TUSC3: variants seen among roughly 807,000 people sequenced by gnomAD.
The protein encoded by TUSC3 is dolichyl-diphosphooligosaccharide--protein glycosyltransferase subunit TUSC3.
TUSC3 carries 45 observed loss-of-function variants against 44.8 expected under a neutral mutation model. That is an observed-to-expected ratio of 1.00 (90% CI 0.79 to 1.29). The LOEUF is 1.29. Among genes scored for constraint, TUSC3 ranks in the 50% most tolerant of loss-of-function variants. The pLI is 0.00. For synonymous variants in TUSC3, 212 were observed against 152.9 expected, an observed-to-expected ratio of 1.39 and a Z score of -2.85; for missense variants, 519 against 437.9, an observed-to-expected ratio of 1.19 and a Z score of -1.65.
At chr8:15,602,187 C>A (rs1323832164) in intron 1 of TUSC3, among the ~76,000 whole-genome samples, 1 of 151,634 alleles carries the variant, frequency 6.6e-6, no homozygotes, top group African/African-American at 2.4e-5. Context: ...GTCCAAAATG[C>A]TTCTCTTCCC....
At chr8:15,685,691 CAT>C (rs957339486) in intron 6 of TUSC3, among the ~76,000 whole-genome samples, 7 of 152,088 alleles carry the variant, frequency 4.6e-5, no homozygotes, top group Non-Finnish European at 1.0e-4. Flanking sequence ...TAGAATGGCG[CAT>C]AGTTTGTGGC....
intron 1 of TUSC3, among the ~76,000 whole-genome samples, chr8:15,586,984 G>T (rs980229711): frequency 6.6e-6 from 1 of 152,150 alleles, no homozygotes; most frequent in African/African-American, 2.4e-5. Context: ...AGAACTGCTG[G>T]TTGGGGGATT....
chr8:15,733,345 C>CTTT, intron 7 of TUSC3: 1 of 381,612 alleles, frequency 2.6e-6, no homozygotes, highest in South Asian at 2.0e-5. Flanking sequence ...ATTATAGCTT[C>CTTT]TTTTTGTTTT....
At chr8:15,804,364 T>G in the TUSC3 span, among the ~76,000 whole-genome samples, 3 of 152,232 alleles carry the variant, frequency 2.0e-5, no homozygotes, top group African/African-American at 7.2e-5. Flanking sequence ...TTGTTTTATT[T>G]ACAATTGCTT....
chr8:15,421,683 A>G (rs899897563), intron 1 of TUSC3, among the ~76,000 whole-genome samples: 3 of 152,162 alleles, frequency 2.0e-5, no homozygotes, highest in Non-Finnish European at 4.4e-5. Flanking sequence ...AATATATAAC[A>G]GATACTGAAT....
intron 1 of TUSC3, among the ~76,000 whole-genome samples, chr8:15,581,444 T>C (rs1803329223): frequency 6.7e-6 from 1 of 148,972 alleles, no homozygotes; most frequent in African/African-American, 2.5e-5. Flanking sequence ...CCCATCTTTG[T>C]GGTTTTATCT....
chr8:15,836,839 A>G, the TUSC3 span, among the ~76,000 whole-genome samples: 3 of 152,176 alleles, frequency 2.0e-5, no homozygotes, highest in African/African-American at 7.2e-5. Context: ...TTGCAGTTTT[A>G]TACTTCTACT....
intron 7 of TUSC3, 78 bp from the exon 8 acceptor site, chr8:15,743,460 A>T: frequency 7.1e-7 from 1 of 1,411,708 alleles, no homozygotes; most frequent in Admixed American, 1.7e-5. Flanking sequence ...ACCATTCTGG[A>T]ACATTGTGTT....
At chr8:15,477,405 C>A (rs1335794931) in intron 1 of TUSC3, among the ~76,000 whole-genome samples, 1 of 152,116 alleles carries the variant, frequency 6.6e-6, no homozygotes, top group Non-Finnish European at 1.5e-5. Context: ...GGATAATTGC[C>A]TCACTTTTCA....
chr8:15,601,407 T>A (rs11988667), intron 1 of TUSC3, among the ~76,000 whole-genome samples: 4,845 of 151,650 alleles, frequency 0.032, 107 homozygotes, highest in African/African-American at 0.061. Flanking sequence ...TAGGGAGAGA[T>A]CCAGGCACAC....
rs549560621 is a variant in TUSC3, at chr8:15,637,244, T to C, written c.309-13453T>C. ...CACCCCATTCCCTCTTAAACTTTTA[T>C]TTTGTTTTTGTTCTCTTACCTGCTT... On this transcript the variant is annotated intron_variant, in intron 2 of 10. Transcript: ENST00000503731. 7.6e-3 allele frequency among the ~76,000 whole-genome samples: 773 copies of C among 102,192 alleles called. 5 individuals are homozygous for C. Among genetic ancestry groups the C allele is most frequent in the African/African-American group, 0.025 (727 of 29,508 alleles). The allele number at this position is 102,192 out of a possible 152,430, so 67.0% of individuals were successfully genotyped here.
At chr8:15,426,402 T>C (rs1212407701) in intron 1 of TUSC3, among the ~76,000 whole-genome samples, 1 of 152,236 alleles carries the variant, frequency 6.6e-6, no homozygotes, top group Non-Finnish European at 1.5e-5. Context: ...AATTCCCCAG[T>C]TTCCCCAAAT....
intron 1 of TUSC3, among the ~76,000 whole-genome samples, chr8:15,460,614 C>T (rs1800332603): frequency 6.6e-6 from 1 of 152,160 alleles, no homozygotes. Flanking sequence ...AAGCCAATGT[C>T]TAGAAGGGTT....
At chr8:15,640,986 A>G (rs147851363) in intron 2 of TUSC3, among the ~76,000 whole-genome samples, 3 of 152,324 alleles carry the variant, frequency 2.0e-5, no homozygotes, top group African/African-American at 7.2e-5. Context: ...ATCTGCTCCC[A>G]TGTACTAGAC....
At chr8:15,681,206 G>A (rs1808415809) in intron 6 of TUSC3, among the ~76,000 whole-genome samples, 1 of 101,174 alleles carries the variant, frequency 9.9e-6, no homozygotes, top group South Asian at 2.8e-4. Flanking sequence ...TTCATCTGAG[G>A]ATTCCGTCCT....
At chr8:15,511,921 T>C (rs1372977602) in intron 2 of TUSC3, among the ~76,000 whole-genome samples, 1 of 152,078 alleles carries the variant, frequency 6.6e-6, no homozygotes. Context: ...GACTCAATAT[T>C]ACAAAGATAT....
At chr8:15,814,434 T>A in the TUSC3 span, among the ~76,000 whole-genome samples, 880 of 152,330 alleles carry the variant, frequency 5.8e-3, 5 homozygotes, top group African/African-American at 0.02. Flanking sequence ...TCTACTAAGA[T>A]GTAAACATAG....
In TUSC3 at chr8:15,422,667, T is replaced by A. The variant is rs573898923; in HGVS notation, n.91+5362T>A. Among the ~76,000 whole-genome samples, 4 of 152,224 alleles carry A rather than the reference T, an allele frequency of 2.6e-5. No homozygotes were observed. The South Asian group carries it at 8.3e-4, about 32-fold the overall frequency. ...TTGATTGGTTGGTTGGTTGGTTGAT[T>A]TTGTGACAGGGTCTCACTCTGTCAC... is the stretch of plus-strand genomic sequence containing the variant. On this transcript the variant is annotated intron_variant and non_coding_transcript_variant, in intron 1 of 5. Coordinates refer to the TUSC3 transcript ENST00000503191.
chr8:15,719,042 G>A (rs1354839165), intron 6 of TUSC3, among the ~76,000 whole-genome samples: 6 of 152,024 alleles, frequency 3.9e-5, no homozygotes, highest in East Asian at 1.9e-4. Context: ...ACTGCTTTAC[G>A]TCATCAGCAT....
Sources: allele counts gnomAD v4.1 joint callset (sites outside exome capture counted in the v4.1 genomes callset), GRCh38; gene constraint gnomAD v4.1.1; transcripts MANE v1.5; gene names NCBI Gene and HGNC (gene_info 2026-07-23, HGNC 2026-07-21).